Variants in CYTH1 observed in about 807,000 individuals in gnomAD.
CYTH1 encodes the protein cytohesin 1.
CYTH1 carries 18 observed loss-of-function variants against 61.8 expected under a neutral mutation model. That is an observed-to-expected ratio of 0.29 (90% CI 0.20 to 0.43). CYTH1 has a LOEUF of 0.43. CYTH1 is among the 20% of genes least tolerant of loss of function. The pLI, the probability that CYTH1 is intolerant of heterozygous loss-of-function variation, is 1.00. For missense variants in CYTH1, 336 were observed against 510.5 expected, an observed-to-expected ratio of 0.66 and a Z score of 3.29; for synonymous variants, 174 against 184.3, an observed-to-expected ratio of 0.94 and a Z score of 0.45.
intron 1 of CYTH1, among the ~76,000 whole-genome samples, chr17:78,739,563 C>T (rs1476302146): frequency 2.0e-5 from 3 of 152,082 alleles, no homozygotes; most frequent in African/African-American, 4.8e-5. Flanking sequence ...GGGTGGTAGG[C>T]GAACTGCATG....
At chr17:78,750,804 A>G (rs1269324518) in intron 1 of CYTH1, among the ~76,000 whole-genome samples, 1 of 150,732 alleles carries the variant, frequency 6.6e-6, no homozygotes, top group Non-Finnish European at 1.5e-5. Context: ...TCCATCTCAA[A>G]AAAAAAAAAA....
intron 11 of CYTH1, among the ~76,000 whole-genome samples, chr17:78,685,211 A>G (rs929371069): frequency 6.6e-6 from 1 of 151,470 alleles, no homozygotes; most frequent in Non-Finnish European, 1.5e-5. Flanking sequence ...CTCAAAAAAA[A>G]AAAAAAAAAA....
chr17:78,676,105 TGGA>T lies in CYTH1; in HGVS notation c.1180_1182del (p.Ser394del). On this transcript the variant is annotated inframe_deletion, in exon 14 of 14. Transcript: ENST00000446868. ...TGGCTGCACGCTCAGTGTCGCTTCG[TGGA>T]GGAGACCTTCTTTTTCCGTGCTGCG... 1 of 1,610,114 alleles carries T rather than the reference TGGA, an allele frequency of 6.2e-7. No individual in the cohort carries two copies. Among genetic ancestry groups the T allele is most frequent in the Middle Eastern group, 1.7e-4 (1 of 6,056 alleles).
intron 11 of CYTH1, among the ~76,000 whole-genome samples, chr17:78,684,454 T>C (rs963757801): frequency 1.4e-4 from 22 of 152,272 alleles, no homozygotes; most frequent in Non-Finnish European, 2.4e-4. Flanking sequence ...TGATGACTTG[T>C]GTGTGCCCAA....
At chr17:78,696,190 C>A (rs1567836717) in intron 9 of CYTH1, among the ~76,000 whole-genome samples, 181 bp from the exon 10 acceptor site, 1 of 152,218 alleles carries the variant, frequency 6.6e-6, no homozygotes, top group Non-Finnish European at 1.5e-5. Context: ...GGCAAATGAT[C>A]CCACTACTGT....
chr17:78,685,466 ATATTTAAGTT>A (rs995079223), intron 11 of CYTH1, among the ~76,000 whole-genome samples: 2 of 147,180 alleles, frequency 1.4e-5, no homozygotes, highest in Non-Finnish European at 3.1e-5. Context: ...TATTAGCTCT[ATATTTAAGTT>A]TATTTAGCTA....
chr17:78,777,278 G>C (rs979963196), intron 1 of CYTH1, among the ~76,000 whole-genome samples: 1 of 151,906 alleles, frequency 6.6e-6, no homozygotes, highest in Non-Finnish European at 1.5e-5. Context: ...ATTTAGCCGG[G>C]TGTGGTGGCG....
chr17:78,679,825 A>C (rs937328322), intron 13 of CYTH1, among the ~76,000 whole-genome samples: 1 of 152,182 alleles, frequency 6.6e-6, no homozygotes, highest in African/African-American at 2.4e-5. Context: ...GGATTCACAA[A>C]TTACAGAACA....
chr17:78,680,914 A>G (rs2092754531), intron 12 of CYTH1, 57 bp downstream of exon 12: 2 of 1,564,422 alleles, frequency 1.3e-6, no homozygotes, highest in Non-Finnish European at 1.7e-6. Context: ...TTTAAAAAAA[A>G]TCTTTGAAAT....
At chr17:78,698,130 C>T (rs1176894675) in intron 9 of CYTH1, 139 bp downstream of exon 9, 11 of 735,868 alleles carry the variant, frequency 1.5e-5, no homozygotes, top group East Asian at 2.6e-5. Flanking sequence ...CATGCATGCG[C>T]GTGCACACAC....
At position 78,708,250 on chromosome 17, in the gene CYTH1, A is replaced by G. The variant is rs779659486; in HGVS notation, c.117T>C (p.Asp39=). Residue 39 remains aspartate, a synonymous_variant, in exon 3 of 14, where the codon GAT becomes GAC. Transcript: ENST00000446868. ...ELLADIQRLK[D]EIAEVANEIE... ...TTTCATTAGCTACTTCTGCTATCTC[A>G]TCCTTCAGCCTCTATAAAACAGACA... 3 of 1,613,094 alleles carry G rather than the reference A, an allele frequency of 1.9e-6. No homozygotes were observed. Among genetic ancestry groups the G allele is most frequent in the South Asian group, 1.1e-5 (1 of 90,966 alleles).
chr17:78,776,658 C>CAAA (rs1179473215), intron 1 of CYTH1, among the ~76,000 whole-genome samples: 15 of 88,322 alleles, frequency 1.7e-4, no homozygotes, highest in African/African-American at 5.8e-4. Context: ...GACTCTGTCT[C>CAAA]AAAAAAAAAA....
chr17:78,735,694 A>G (rs1276488495), intron 1 of CYTH1, among the ~76,000 whole-genome samples: 4 of 152,252 alleles, frequency 2.6e-5, no homozygotes, highest in Non-Finnish European at 5.9e-5. Context: ...GGAAAAGCCT[A>G]AAGAGGACAC....
At chr17:78,770,409 T>G (rs575584505) in intron 1 of CYTH1, among the ~76,000 whole-genome samples, 6 of 148,762 alleles carry the variant, frequency 4.0e-5, no homozygotes, top group African/African-American at 1.5e-4. Context: ...GGCGGGTTTT[T>G]TTTGTTTTGT....
intron 1 of CYTH1, among the ~76,000 whole-genome samples, chr17:78,759,338 C>A (rs1025958652): frequency 2.9e-4 from 44 of 152,188 alleles, no homozygotes; most frequent in African/African-American, 9.6e-4. Flanking sequence ...TACATCCCAG[C>A]GCCAAGCCTC....
intron 1 of CYTH1, among the ~76,000 whole-genome samples, chr17:78,751,665 G>A (rs887831286): frequency 5.3e-5 from 8 of 152,116 alleles, no homozygotes; most frequent in Non-Finnish European, 1.2e-4. Flanking sequence ...ACTGATTTGC[G>A]GGTTACAAAT....
intron 1 of CYTH1, among the ~76,000 whole-genome samples, chr17:78,780,112 G>C (rs1567890694): frequency 6.6e-6 from 1 of 152,254 alleles, no homozygotes; most frequent in East Asian, 1.9e-4. Flanking sequence ...AGAGGAGGCA[G>C]AGAAAAGAGC....
At chr17:78,754,453 C>T (rs1472302045) in intron 1 of CYTH1, among the ~76,000 whole-genome samples, 1 of 152,108 alleles carries the variant, frequency 6.6e-6, no homozygotes, top group African/African-American at 2.4e-5. Flanking sequence ...AAGCAATCCT[C>T]CCACCTTAGC....
intron 3 of CYTH1, among the ~76,000 whole-genome samples, chr17:78,707,000 T>C (rs1444886637): frequency 2.6e-5 from 4 of 152,252 alleles, no homozygotes; most frequent in African/African-American, 4.8e-5. Flanking sequence ...TTTTAATAGT[T>C]TTTAATAGTT....
Sources: gnomAD v4.1 joint callset for allele counts (sites outside exome capture counted in the v4.1 genomes callset) on GRCh38, gnomAD v4.1.1 for gene constraint, MANE v1.5 for transcripts, NCBI Gene and HGNC (gene_info 2026-07-23, HGNC 2026-07-21) for gene names.